The following PRKN variants were observed in gnomAD, a reference collection of about 807,000 sequenced individuals.
PRKN encodes the protein E3 ubiquitin-protein ligase parkin.
PRKN carries 56 observed loss-of-function variants against 59.5 expected under a neutral mutation model. The ratio of observed to expected loss-of-function variants is 0.94; its 90% CI spans 0.76 to 1.18. PRKN has a LOEUF of 1.18. PRKN is among the 50% of genes most tolerant of loss of function. The pLI, the probability that PRKN is intolerant of heterozygous loss-of-function variation, is 0.00. For synonymous variants in PRKN, 250 were observed against 222.1 expected (o/e 1.13, Z -1.12); for missense variants, 657 against 596.4 (o/e 1.10, Z -1.06).
chr6:161,771,028 G>T (rs886533385), intron 7 of PRKN, among the ~76,000 whole-genome samples: 1 of 152,092 alleles, frequency 6.6e-6, no homozygotes, highest in African/African-American at 2.4e-5. Context: ...CACCCGGGCT[G>T]CGGTATTTTG....
intron 6 of PRKN, among the ~76,000 whole-genome samples, chr6:161,900,116 TAATAAAATAA>T (rs762480638): frequency 3.3e-5 from 5 of 151,294 alleles, no homozygotes; most frequent in Admixed American, 2.0e-4. Flanking sequence ...GACTCAAAAA[TAATAAAATAA>T]AATAAAATAA....
At chr6:162,593,034 C>G (rs189072375) in intron 1 of PRKN, among the ~76,000 whole-genome samples, 51 of 152,128 alleles carry the variant, frequency 3.4e-4, no homozygotes, top group African/African-American at 1.1e-3. Flanking sequence ...ATGATGACAA[C>G]CAGACCAAGG....
intron 7 of PRKN, among the ~76,000 whole-genome samples, chr6:161,777,908 G>A (rs188059132): frequency 0.35 from 50,932 of 143,608 alleles, 9,348 homozygotes; most frequent in South Asian, 0.48. Flanking sequence ...ACATATATAT[G>A]TGTATATATA....
At chr6:162,003,147 G>A (rs1369286653) in intron 5 of PRKN, among the ~76,000 whole-genome samples, 1 of 149,966 alleles carries the variant, frequency 6.7e-6, no homozygotes, top group Non-Finnish European at 1.5e-5. Flanking sequence ...ATCAATGGCT[G>A]CAATGAGAAA....
chr6:161,761,377 T>A (rs1249322561), intron 7 of PRKN, among the ~76,000 whole-genome samples: 1 of 83,428 alleles, frequency 1.2e-5, no homozygotes. Context: ...TGGATCAATA[T>A]GTGCATGTAT....
chr6:162,270,540 A>C (rs10455900), intron 2 of PRKN, among the ~76,000 whole-genome samples: 60,907 of 151,882 alleles, frequency 0.4, 14,730 homozygotes, highest in African/African-American at 0.68. Context: ...AGGCTGTCAA[A>C]CTTTCTAATG....
chr6:162,052,640 G>C (rs1243171383), intron 5 of PRKN, among the ~76,000 whole-genome samples: 1 of 152,094 alleles, frequency 6.6e-6, no homozygotes, highest in African/African-American at 2.4e-5. Flanking sequence ...CAACATTCTA[G>C]ACCCAGGACT....
intron 1 of PRKN, among the ~76,000 whole-genome samples, chr6:162,596,872 A>C (rs1781513073): frequency 6.6e-6 from 1 of 152,168 alleles, no homozygotes. Flanking sequence ...AAGGAAAGGA[A>C]GCTTCATGCA....
In PRKN at chr6:161,352,757, A is replaced by G. The variant is rs12175555; in HGVS notation, c.1286-2546T>C. On this transcript the variant is annotated intron_variant, in intron 11 of 11. Transcript: ENST00000366898. This position sits in a 1 kb window ranked among gnomAD's most constrained non-coding sequence, Gnocchi z 5.8. Reference sequence around the variant, plus strand: ...TGTGTGTGTGTGTGTGTGTGTGTGTATATATATATATATATTTTATTTTAT... The same window carrying G: ...TGTGTGTGTGTGTGTGTGTGTGTGTGTATATATATATATATTTTATTTTAT... Among the ~76,000 whole-genome samples the G allele has an allele frequency of 0.053, 4,628 of 87,690 alleles. 309 individuals are homozygous for G. Among genetic ancestry groups the G allele is most frequent in the East Asian group, 0.34 (1,599 of 4,678 alleles). 57.5% of individuals were successfully genotyped at this position (87,690 alleles called of 152,430 possible). A position where few individuals can be genotyped will look rare whatever the true frequency, so the allele number is the denominator to read the frequency against.
At chr6:161,991,696 A>T (rs1423704756) in intron 5 of PRKN, among the ~76,000 whole-genome samples, 1 of 151,966 alleles carries the variant, frequency 6.6e-6, no homozygotes, top group Non-Finnish European at 1.5e-5. Context: ...ACAAAAAATT[A>T]GCCTGGAGTG....
At chr6:162,704,438 C>G (rs2128237394) in intron 1 of PRKN, among the ~76,000 whole-genome samples, 1 of 152,268 alleles carries the variant, frequency 6.6e-6, no homozygotes, top group South Asian at 2.1e-4. Flanking sequence ...ACTGTTCTAT[C>G]TTGGGTTTCT....
At chr6:161,374,700 C>T (rs1429552910) in intron 10 of PRKN, among the ~76,000 whole-genome samples, 13 of 2,046 alleles carry the variant, frequency 6.4e-3, no homozygotes, top group South Asian at 0.031. Context: ...GTGATGTGTG[C>T]GTTATGTTTA....
intron 2 of PRKN, among the ~76,000 whole-genome samples, chr6:162,312,454 G>A (rs185495621): frequency 5.9e-5 from 9 of 152,202 alleles, no homozygotes; most frequent in Non-Finnish European, 1.5e-5. Flanking sequence ...CTCATGCAAG[G>A]TGACCATGTA....
intron 5 of PRKN, among the ~76,000 whole-genome samples, chr6:162,003,794 A>G (rs1782149833): frequency 6.6e-6 from 1 of 152,146 alleles, no homozygotes; most frequent in African/African-American, 2.4e-5. Context: ...GTTTTGCACA[A>G]TATTTTATAA....
intron 7 of PRKN, among the ~76,000 whole-genome samples, chr6:161,755,069 T>C (rs137986283): frequency 1.7e-3 from 259 of 152,300 alleles, no homozygotes; most frequent in East Asian, 0.012. Context: ...CACATCAATA[T>C]GTCATTGATC....
At chr6:161,621,720 T>C (rs555845757) in intron 7 of PRKN, among the ~76,000 whole-genome samples, 3 of 152,064 alleles carry the variant, frequency 2.0e-5, no homozygotes, top group South Asian at 4.2e-4. Flanking sequence ...AAATTAACCA[T>C]TACAGCCGCA....
intron 3 of PRKN, among the ~76,000 whole-genome samples, chr6:162,231,865 A>C (rs2128086203): frequency 6.6e-6 from 1 of 152,306 alleles, no homozygotes; most frequent in South Asian, 2.1e-4. Flanking sequence ...CAGAGAAGAC[A>C]GAAGGAAAAC....
At chr6:162,090,077 C>G (rs1014955731) in intron 4 of PRKN, among the ~76,000 whole-genome samples, 1 of 151,988 alleles carries the variant, frequency 6.6e-6, no homozygotes, top group Admixed American at 6.6e-5. Flanking sequence ...TTTTGAAAGG[C>G]AGATAAGGTG....
intron 1 of PRKN, among the ~76,000 whole-genome samples, chr6:162,444,006 G>A (rs1790187116): frequency 6.6e-6 from 1 of 152,142 alleles, no homozygotes; most frequent in Non-Finnish European, 1.5e-5. Context: ...GCTCCACTGG[G>A]TCTATGAAGA....
Sources: gnomAD v4.1 joint callset for allele counts (sites outside exome capture counted in the v4.1 genomes callset) on GRCh38, gnomAD v4.1.1 for gene constraint, Gnocchi (gnomAD v3.1) non-coding constraint, MANE v1.5 for transcripts, NCBI Gene and HGNC (gene_info 2026-07-23, HGNC 2026-07-21) for gene names.